SGMS1: variants seen among roughly 807,000 people sequenced by gnomAD.
SGMS1 encodes sphingomyelin synthase 1.
A neutral mutation model predicts 46.2 loss-of-function variants in SGMS1; 13 were observed. The observed-to-expected ratio is 0.28, with a 90% CI of 0.18 to 0.45. The LOEUF (loss-of-function observed/expected upper bound fraction) is 0.45, where lower values mean the gene tolerates loss of function less well. Ranked by LOEUF, SGMS1 falls within the 20% of genes least tolerant of loss-of-function variation. The probability of loss-of-function intolerance (pLI) is 1.00; values close to 1 mark genes in which losing one functional copy is unlikely to be tolerated. For synonymous variants in SGMS1, 203 were observed against 187.8 expected (o/e 1.08, Z -0.66); for missense variants, 324 against 519.9 (o/e 0.62, Z 3.66).
chr10:50,611,799 C>T (rs1020520304), intron 1 of SGMS1, among the ~76,000 whole-genome samples: 1 of 152,184 alleles, frequency 6.6e-6, no homozygotes, highest in Non-Finnish European at 1.5e-5. Context: ...CTTTCCTCCA[C>T]CCTTCCCTCT....
chr10:50,360,070 T>C (rs1037240047), intron 6 of SGMS1, among the ~76,000 whole-genome samples: 2 of 152,352 alleles, frequency 1.3e-5, no homozygotes, highest in Non-Finnish European at 2.9e-5. Flanking sequence ...GTCTGCTTTG[T>C]AAATTTAAAA....
chr10:50,497,050 T>G (rs1837621315), intron 3 of SGMS1, among the ~76,000 whole-genome samples: 1 of 152,162 alleles, frequency 6.6e-6, no homozygotes. Flanking sequence ...CCTCCACCCT[T>G]CTTCCAACAC....
At chr10:50,341,157 A>G (rs996181063) in intron 7 of SGMS1, 3 of 341,322 alleles carry the variant, frequency 8.8e-6, no homozygotes, top group African/African-American at 2.1e-5. Context: ...AAACTGCTAT[A>G]ATGCAATAAC....
At chr10:50,625,098 T>C (rs1838910509), upstream of SGMS1, 74 of 980,016 alleles carry the variant, frequency 7.6e-5, no homozygotes, top group Non-Finnish European at 8.6e-5. Context: ...CCTTGGGGTA[T>C]AGGAGTCCTG....
chr10:50,462,022 G>A (rs962144357), intron 4 of SGMS1, among the ~76,000 whole-genome samples: 1 of 152,100 alleles, frequency 6.6e-6, no homozygotes, highest in Admixed American at 6.5e-5. Context: ...TTCAATTAAA[G>A]TTTCAGGCCG....
chr10:50,502,306 G>GAA (rs71471395), intron 3 of SGMS1, among the ~76,000 whole-genome samples: 52,628 of 130,700 alleles, frequency 0.4, 11,057 homozygotes, highest in East Asian at 0.59. Flanking sequence ...AATGAGGAAA[G>GAA]AAAAAAAAAA....
intron 6 of SGMS1, among the ~76,000 whole-genome samples, chr10:50,366,053 T>C (rs1259533954): frequency 2.6e-5 from 4 of 152,138 alleles, no homozygotes; most frequent in East Asian, 3.9e-4. Flanking sequence ...GAAAAGCAAC[T>C]GCAATAAAAG....
intron 1 of SGMS1, among the ~76,000 whole-genome samples, chr10:50,594,308 T>C (rs1838570130): frequency 1.3e-5 from 2 of 152,186 alleles, no homozygotes; most frequent in South Asian, 4.1e-4. Flanking sequence ...TCAAATTTGA[T>C]TTCTAGACAT....
chr10:50,501,244 T>C (rs1564929283), intron 3 of SGMS1, among the ~76,000 whole-genome samples: 1 of 152,032 alleles, frequency 6.6e-6, no homozygotes, highest in Non-Finnish European at 1.5e-5. Flanking sequence ...CACACCAGCA[T>C]CTCCCTTGTG....
chr10:50,536,076 G>A (rs1837998783), intron 2 of SGMS1, among the ~76,000 whole-genome samples: 1 of 152,128 alleles, frequency 6.6e-6, no homozygotes. Flanking sequence ...GCTCATGCCT[G>A]TAATCCTAAC....
At chr10:50,351,798 G>C (rs1848023153) in intron 6 of SGMS1, among the ~76,000 whole-genome samples, 2 of 152,100 alleles carry the variant, frequency 1.3e-5, no homozygotes, top group Non-Finnish European at 2.9e-5. Flanking sequence ...TTAGTAGTGT[G>C]GAAACGAACT....
At chr10:50,541,525 T>C (rs1157236572) in intron 2 of SGMS1, among the ~76,000 whole-genome samples, 1 of 152,212 alleles carries the variant, frequency 6.6e-6, no homozygotes, top group Non-Finnish European at 1.5e-5. Flanking sequence ...AGCTCTTCCC[T>C]GAAGGCCCCC....
At chr10:50,545,840 G>C (rs768939927) in intron 2 of SGMS1, among the ~76,000 whole-genome samples, 10 of 152,140 alleles carry the variant, frequency 6.6e-5, no homozygotes, top group Non-Finnish European at 1.0e-4. Flanking sequence ...GGTATTTATG[G>C]AGCTTAAAGC....
At chr10:50,564,164 C>T (rs1838267899) in intron 2 of SGMS1, among the ~76,000 whole-genome samples, 1 of 152,192 alleles carries the variant, frequency 6.6e-6, no homozygotes, top group Admixed American at 6.5e-5. Context: ...TTTCCTGAAT[C>T]CACAGGTAGA....
Position 50,305,780 on chromosome 10 carries a change from T to C in SGMS1, c.*1362A>G, listed in dbSNP as rs1276175651. ...TTGTTTTACAATACAAATATCACCTTGTGAATACACAAAAAAATCCTACGG... is the reference window on the plus strand; with the variant it reads ...TTGTTTTACAATACAAATATCACCTCGTGAATACACAAAAAAATCCTACGG... On this transcript the variant is annotated 3_prime_UTR_variant, in exon 11 of 11. Coordinates refer to ENST00000361781, the MANE Select transcript of SGMS1 (RefSeq NM_147156.4). 2 of 152,738 alleles carry C rather than the reference T, an allele frequency of 1.3e-5. No homozygotes were observed. The highest frequency in any genetic ancestry group is 3.8e-4 in the East Asian group (2 of 5,328). The allele number at this position is 152,738 out of a possible 1,614,324, so 9.5% of individuals were successfully genotyped here.
intron 5 of SGMS1, among the ~76,000 whole-genome samples, chr10:50,452,909 T>C (rs757621839): frequency 2.6e-5 from 4 of 152,206 alleles, no homozygotes; most frequent in East Asian, 3.8e-4. Context: ...TCTAAATTTA[T>C]GCTATATGCT....
At chr10:50,385,869 T>G (rs899035659) in intron 6 of SGMS1, among the ~76,000 whole-genome samples, 2 of 152,168 alleles carry the variant, frequency 1.3e-5, no homozygotes, top group Non-Finnish European at 2.9e-5. Flanking sequence ...AACCAGATGA[T>G]GCAAGAGCCG....
At chr10:50,554,312 A>G (rs1048405209) in intron 2 of SGMS1, among the ~76,000 whole-genome samples, 1 of 152,246 alleles carries the variant, frequency 6.6e-6, no homozygotes, top group Non-Finnish European at 1.5e-5. Flanking sequence ...TCAGTCAGGG[A>G]AAGACTATCC....
intron 1 of SGMS1, among the ~76,000 whole-genome samples, chr10:50,612,510 G>A (rs1838759461): frequency 2.0e-5 from 3 of 152,102 alleles, no homozygotes; most frequent in Non-Finnish European, 4.4e-5. Context: ...AAGAAAACAA[G>A]GAACTGGAAC....
Sources: gnomAD v4.1 joint callset for allele counts (sites outside exome capture counted in the v4.1 genomes callset) on GRCh38, gnomAD v4.1.1 for gene constraint, MANE v1.5 for transcripts, NCBI Gene and HGNC (gene_info 2026-07-23, HGNC 2026-07-21) for gene names.